Variants in SLIT3 observed in about 807,000 individuals in gnomAD.
SLIT3 encodes the protein slit homolog 3 protein.
In SLIT3, 68 loss-of-function variants were observed where a neutral mutation model predicts 184.0. That is an observed-to-expected ratio of 0.37 (90% CI 0.30 to 0.45). The LOEUF (loss-of-function observed/expected upper bound fraction) is 0.45, where lower values mean the gene tolerates loss of function less well. Ranked by LOEUF, SLIT3 falls within the 20% of genes least tolerant of loss-of-function variation. SLIT3 has a pLI of 1.00. For synonymous variants in SLIT3, 831 were observed against 828.6 expected (o/e 1.00, Z -0.05); for missense variants, 1,707 against 2,026.0 (o/e 0.84, Z 3.02).
intron 4 of SLIT3, among the ~76,000 whole-genome samples, chr5:169,135,780 CCTT>C (rs1467908147): frequency 1.3e-5 from 2 of 152,218 alleles, no homozygotes; most frequent in African/African-American, 4.8e-5. Flanking sequence ...CCAGCCTTGT[CCTT>C]CTAAGATCCT....
chr5:169,036,341 G>C (rs1228327368), intron 4 of SLIT3: 1 of 152,166 alleles, frequency 6.6e-6, no homozygotes, highest in African/African-American at 2.4e-5. Flanking sequence ...GCCAGCCTCA[G>C]CTTTTAACAT....
rs1757321073 is a variant in SLIT3, at chr5:169,038,179, T to TTTCTTGTCATAGACCAGTAACAA, written c.414-154844_414-154843insTTGTTACTGGTCTATGACAAGAA. ...AATGTGTCTAAATGCTTAATGTAAA[T>TTTCTTGTCATAGACCAGTAACAA]TTCTTGTCATAGACCAGTAACACAC... On this transcript the variant is annotated intron_variant, in intron 4 of 35. Transcript: ENST00000519560. Among the ~76,000 whole-genome samples the TTTCTTGTCATAGACCAGTAACAA allele has an allele frequency of 2.0e-5, 3 of 152,212 alleles. No individual in the cohort carries two copies. The East Asian group carries it at 5.8e-4, about 29-fold the overall frequency.
chr5:169,163,503 G>C, intron 4 of SLIT3, among the ~76,000 whole-genome samples: 1 of 152,112 alleles, frequency 6.6e-6, no homozygotes, highest in Admixed American at 6.5e-5. Context: ...TTAATCAATG[G>C]GTGTTTGGAA....
rs548219740 is a variant in SLIT3 at position 168,666,023 on chromosome 5, A to G, written c.*431T>C. Reference sequence around the variant, plus strand: ...GATCTCAATGAGCAGCTCTTGGTCTACTGCCGACATAATACCGTTTCATAA... The same window carrying G: ...GATCTCAATGAGCAGCTCTTGGTCTGCTGCCGACATAATACCGTTTCATAA... On this transcript the variant is annotated 3_prime_UTR_variant, in exon 36 of 36. Transcript: ENST00000519560. The G allele has an allele frequency of 2.2e-3, 330 of 153,266 alleles. 4 individuals carry two copies. Among genetic ancestry groups the G allele is most frequent in the Non-Finnish European group, 3.0e-3 (204 of 68,756 alleles). 9.5% of individuals were successfully genotyped at this position (153,266 alleles called of 1,614,324 possible).
chr5:169,228,037 G>A (rs559201418), intron 3 of SLIT3, among the ~76,000 whole-genome samples: 1 of 152,276 alleles, frequency 6.6e-6, no homozygotes, highest in South Asian at 2.1e-4. Context: ...AAGGCCTGAT[G>A]GCATGTTTTT....
At chr5:168,932,347 G>GACACACACACACACACACAC (rs375350401) in intron 4 of SLIT3, among the ~76,000 whole-genome samples, 2 of 131,096 alleles carry the variant, frequency 1.5e-5, no homozygotes, top group African/African-American at 5.7e-5. Context: ...AGGGGAAAAA[G>GACACACACACACACACACAC]ACACACACAC....
chr5:169,046,134 C>G (rs1217734218), intron 4 of SLIT3, among the ~76,000 whole-genome samples: 1 of 152,112 alleles, frequency 6.6e-6, no homozygotes, highest in East Asian at 1.9e-4. Flanking sequence ...TTCCCTACCC[C>G]CCAAAAGGTG....
chr5:169,284,487 C>G (rs1190010822), intron 1 of SLIT3, among the ~76,000 whole-genome samples: 1 of 152,072 alleles, frequency 6.6e-6, no homozygotes, highest in Non-Finnish European at 1.5e-5. Flanking sequence ...AATATACAAA[C>G]AAAAGAACAC....
Position 169,275,338 on chromosome 5 carries a change from C to A in SLIT3, c.198-23879G>T, listed in dbSNP as rs528964579. Among the ~76,000 whole-genome samples the A allele has an allele frequency of 2.6e-5, 4 of 152,298 alleles. No individual in the cohort carries two copies. The South Asian group carries it at 8.3e-4, about 32-fold the overall frequency. ...ATGAGATTCAAGTTCAGCCCTAATT[C>A]TAAAACCCATAGCCTTTCTACTGCT... On this transcript the variant is annotated intron_variant, in intron 1 of 35. Coordinates refer to ENST00000519560, the MANE Select transcript of SLIT3 (RefSeq NM_003062.4).
At chr5:169,269,082 G>C (rs1181664017) in intron 1 of SLIT3, among the ~76,000 whole-genome samples, 1 of 152,226 alleles carries the variant, frequency 6.6e-6, no homozygotes, top group Non-Finnish European at 1.5e-5. Context: ...GATGGTCTGA[G>C]CTCCCTGCTC....
chr5:168,753,927 G>T lies in SLIT3; in HGVS notation c.1766C>A (p.Thr589Lys). ...GAASVQELML[T>K]GNQLETVHGR... ...GTGCACGGTCTCCAGCTGGTTCCCTGTCAGCATCAGCTCCTGCACGCTGGC... is the reference window on the plus strand; with the variant it reads ...GTGCACGGTCTCCAGCTGGTTCCCTTTCAGCATCAGCTCCTGCACGCTGGC... The change falls in exon 17 of 36, where the codon ACA (threonine) becomes AAA (lysine). Residue 589 changes from threonine (T) to lysine (K), a missense_variant. Physicochemically the swap from Thr to Lys is moderately conservative, Grantham distance 78. Transcript: ENST00000519560. 1 of 1,612,138 alleles carries T rather than the reference G, an allele frequency of 6.2e-7. No individual in the cohort carries two copies.
intron 4 of SLIT3, among the ~76,000 whole-genome samples, chr5:169,044,004 T>G (rs993200351): frequency 4.6e-5 from 7 of 152,222 alleles, no homozygotes; most frequent in Non-Finnish European, 2.9e-5. Flanking sequence ...TCAGAGAAAC[T>G]TATTCTGATA....
At chr5:169,092,938 G>A (rs534658779) in intron 4 of SLIT3, among the ~76,000 whole-genome samples, 2 of 152,300 alleles carry the variant, frequency 1.3e-5, no homozygotes, top group South Asian at 2.1e-4. Context: ...AGTGTGTAGC[G>A]GCTTATTTCT....
chr5:168,938,967 G>A (rs1762249434), intron 4 of SLIT3, among the ~76,000 whole-genome samples: 1 of 152,128 alleles, frequency 6.6e-6, no homozygotes, highest in African/African-American at 2.4e-5. Flanking sequence ...TGATTTGGAA[G>A]GCAGAGATAC....
intron 20 of SLIT3, among the ~76,000 whole-genome samples, chr5:168,738,710 A>T (rs1369017115): frequency 4.6e-5 from 7 of 152,166 alleles, no homozygotes; most frequent in Non-Finnish European, 1.0e-4. Context: ...AGGCCGAGGC[A>T]GGTGGATCAC....
At chr5:169,039,358 C>A (rs1175651056) in intron 4 of SLIT3, among the ~76,000 whole-genome samples, 2 of 149,704 alleles carry the variant, frequency 1.3e-5, no homozygotes, top group East Asian at 3.9e-4. Flanking sequence ...GTTCTGTCGC[C>A]CAGGCTGGAG....
intron 7 of SLIT3, among the ~76,000 whole-genome samples, chr5:168,821,922 G>T (rs566771015): frequency 2.8e-4 from 42 of 152,204 alleles, no homozygotes; most frequent in African/African-American, 9.4e-4. Flanking sequence ...TTGCTTCTTT[G>T]GTCTTTGTTT....
At chr5:168,716,096 T>A (rs1178350764) in intron 23 of SLIT3, among the ~76,000 whole-genome samples, 1 of 152,230 alleles carries the variant, frequency 6.6e-6, no homozygotes, top group Non-Finnish European at 1.5e-5. Context: ...GCCTCCTGAG[T>A]AGCTGGGACT....
chr5:168,772,891 T>C lies in SLIT3; in HGVS notation c.1349A>G (p.Asp450Gly). Reference sequence around the variant, plus strand: ...CTCGATGGGGTTGTCCTGGAGGTAGTCGGCCAGCCACTTCAAGTGGCAGTC... The same window carrying C: ...CTCGATGGGGTTGTCCTGGAGGTAGCCGGCCAGCCACTTCAAGTGGCAGTC... ...VCDCHLKWLA[D>G]YLQDNPIETS... The change falls in exon 14 of 36, where the codon GAC (aspartate) becomes GGC (glycine). Residue 450 changes from aspartate to glycine, a missense_variant. Physicochemically the swap from Asp to Gly is moderately conservative, Grantham distance 94. Around this residue, in one of 3 missense-constraint regions of SLIT3, gnomAD observed 1,307 missense variants for 1,511.6 expected, o/e 0.86. Transcript: ENST00000519560. 1 of 1,613,312 alleles carries C rather than the reference T, an allele frequency of 6.2e-7. No individual in the cohort carries two copies. The highest frequency in any genetic ancestry group is 8.5e-7 in the Non-Finnish European group (1 of 1,179,650).
Sources: gnomAD v4.1 joint callset for allele counts (sites outside exome capture counted in the v4.1 genomes callset) on GRCh38, gnomAD v4.1.1 for gene constraint, gnomAD v4.1.1 regional missense constraint, MANE v1.5 for transcripts, NCBI Gene and HGNC (gene_info 2026-07-23, HGNC 2026-07-21) for gene names.